EFNB2: variants seen among roughly 807,000 people sequenced by gnomAD.
The protein encoded by EFNB2 is ephrin B2.
A neutral mutation model predicts 32.1 loss-of-function variants in EFNB2; 5 were observed. The ratio of observed to expected loss-of-function variants is 0.16; its 90% confidence interval spans 0.08 to 0.33. The LOEUF (loss-of-function observed/expected upper bound fraction) is 0.33, where lower values mean the gene tolerates loss of function less well. Among genes scored for constraint, EFNB2 ranks in the 10% least tolerant of loss-of-function variants. EFNB2 has a pLI of 1.00. For missense variants in EFNB2, 263 were observed against 422.6 expected (o/e 0.62, Z 3.31); for synonymous variants, 168 against 166.5 (o/e 1.01, Z -0.07).
intron 2 of EFNB2, among the ~76,000 whole-genome samples, chr13:106,499,147 T>A (rs1287873345): frequency 6.6e-6 from 1 of 152,154 alleles, no homozygotes; most frequent in Admixed American, 6.6e-5. Flanking sequence ...GTCTATTTTA[T>A]ACTTGATGTA....
intron 1 of EFNB2, among the ~76,000 whole-genome samples, chr13:106,522,593 A>G (rs190193714): frequency 1.4e-3 from 212 of 152,356 alleles, no homozygotes; most frequent in Middle Eastern, 3.4e-3. Context: ...ATTCAGCTAC[A>G]GTGACAAGCA....
At chr13:106,500,361 C>CA (rs928870671) in intron 2 of EFNB2, among the ~76,000 whole-genome samples, 2 of 151,962 alleles carry the variant, frequency 1.3e-5, no homozygotes, top group East Asian at 1.9e-4. Flanking sequence ...CGGGGAAGCA[C>CA]AAAAAAATCC....
intron 1 of EFNB2, among the ~76,000 whole-genome samples, chr13:106,524,439 T>C (rs908860216): frequency 3.9e-5 from 6 of 152,194 alleles, no homozygotes; most frequent in African/African-American, 1.4e-4. Flanking sequence ...AATTAACCAA[T>C]TTGGCCACAG....
At chr13:106,529,637 A>T (rs1879810812) in intron 1 of EFNB2, among the ~76,000 whole-genome samples, 1 of 152,148 alleles carries the variant, frequency 6.6e-6, no homozygotes, top group Non-Finnish European at 1.5e-5. Flanking sequence ...CTTTTCAGAG[A>T]CGTGTCATTT....
Position 106,535,115 on chromosome 13 carries a change from G to A in EFNB2, c.-151C>T. On this transcript the variant is annotated 5_prime_UTR_variant, in exon 1 of 5. Coordinates refer to ENST00000646441, the MANE Select transcript of EFNB2 (RefSeq NM_004093.4). ...GGCGCGCTGCGCAGCTCCAGCGGTC[G>A]CCGGGCCAGGTGCGCTCGCTCTCCG... 1 of 1,027,368 alleles carries A rather than the reference G, an allele frequency of 9.7e-7. No homozygotes were observed. The highest frequency in any genetic ancestry group is 1.3e-6 in the Non-Finnish European group (1 of 773,512). 63.6% of individuals were successfully genotyped at this position (1,027,368 alleles called of 1,614,324 possible).
chr13:106,521,220 T>C (rs1024444837), intron 1 of EFNB2: 30 of 116,570 alleles, frequency 2.6e-4, no homozygotes, highest in Non-Finnish European at 4.2e-4. Flanking sequence ...GAGCAAAGAC[T>C]AGATGGGTGG....
chr13:106,503,277 C>CA (rs936768062), intron 2 of EFNB2, among the ~76,000 whole-genome samples: 9 of 150,128 alleles, frequency 6.0e-5, no homozygotes, highest in South Asian at 2.1e-4. Context: ...AAAAACAAAA[C>CA]AAAAAAAAAG....
intron 1 of EFNB2, among the ~76,000 whole-genome samples, chr13:106,515,889 C>T (rs1879296010): frequency 1.3e-5 from 2 of 152,142 alleles, no homozygotes; most frequent in Admixed American, 6.5e-5. Flanking sequence ...CTCAAGTAAC[C>T]TATGTTGTGC....
At chr13:106,495,060 ATAT>A in intron 3 of EFNB2, 66 bp from the exon 4 acceptor site, 1 of 1,275,520 alleles carries the variant, frequency 7.8e-7, no homozygotes, top group South Asian at 1.2e-5. Flanking sequence ...TAGGAGCTGC[ATAT>A]ATATTTCAAC....
intron 4 of EFNB2, among the ~76,000 whole-genome samples, chr13:106,494,227 A>G (rs1369387308): frequency 1.3e-5 from 2 of 152,210 alleles, no homozygotes; most frequent in Admixed American, 1.3e-4. Context: ...CAATCCTAAT[A>G]CAAAACTGCT....
At chr13:106,526,342 G>T (rs1342279832) in intron 1 of EFNB2, among the ~76,000 whole-genome samples, 1 of 152,242 alleles carries the variant, frequency 6.6e-6, no homozygotes, top group African/African-American at 2.4e-5. Flanking sequence ...CTGATGAAAT[G>T]AAGAAGGTGT....
At chr13:106,508,330 T>C (rs1385866797) in intron 2 of EFNB2, among the ~76,000 whole-genome samples, 1 of 152,068 alleles carries the variant, frequency 6.6e-6, no homozygotes, top group Non-Finnish European at 1.5e-5. Context: ...TCAGAACAGT[T>C]ATTTCATGAA....
chr13:106,521,894 G>T (rs80249765), intron 1 of EFNB2, among the ~76,000 whole-genome samples: 2 of 151,400 alleles, frequency 1.3e-5, no homozygotes, highest in Admixed American at 6.6e-5. Flanking sequence ...CATCTACTTT[G>T]GTATTAATCA....
At chr13:106,496,664 A>G (rs1271139548) in intron 2 of EFNB2, among the ~76,000 whole-genome samples, 2 of 151,868 alleles carry the variant, frequency 1.3e-5, no homozygotes, top group African/African-American at 4.8e-5. Flanking sequence ...GAGGAGTGGA[A>G]GGAAGGACAG....
chr13:106,525,600 T>C (rs1879673420), intron 1 of EFNB2, among the ~76,000 whole-genome samples: 1 of 152,218 alleles, frequency 6.6e-6, no homozygotes, highest in Non-Finnish European at 1.5e-5. Context: ...CTGTCTACTG[T>C]GACTTTGCTT....
At position 106,532,076 on chromosome 13, in the gene EFNB2, AACC is replaced by A. The variant is rs1348039754; in HGVS notation, c.122+2764_122+2766del. Among the ~76,000 whole-genome samples the A allele has an allele frequency of 7.7e-3, 300 of 38,986 alleles. 2 individuals are homozygous for A. The highest frequency in any genetic ancestry group is 0.02 in the African/African-American group (270 of 13,262). The allele number at this position is 38,986 out of a possible 152,430, so 25.6% of individuals were successfully genotyped here. ...TGAATTAAAAAAAAAACAAAAAAAA[AACC>A]AAAACTTTAAACAACCAAAATGGCT... On this transcript the variant is annotated intron_variant, in intron 1 of 4. Transcript: ENST00000646441.
At chr13:106,517,918 C>T (rs966073696) in intron 1 of EFNB2, 1 of 152,224 alleles carries the variant, frequency 6.6e-6, no homozygotes. Context: ...GACTCTAATA[C>T]TTCTACATGG....
At chr13:106,506,841 C>A (rs1192250632) in intron 2 of EFNB2, 1 of 152,160 alleles carries the variant, frequency 6.6e-6, no homozygotes, top group Non-Finnish European at 1.5e-5. Flanking sequence ...GTCATTATCC[C>A]CACTTTACAG....
At chr13:106,497,714 C>T (rs983371053) in intron 2 of EFNB2, among the ~76,000 whole-genome samples, 1 of 151,954 alleles carries the variant, frequency 6.6e-6, no homozygotes, top group Non-Finnish European at 1.5e-5. Flanking sequence ...CGACAGGCCC[C>T]GGTGTGTGAT....
Sources: allele counts gnomAD v4.1 joint callset (sites outside exome capture counted in the v4.1 genomes callset), GRCh38; gene constraint gnomAD v4.1.1; transcripts MANE v1.5; gene names NCBI Gene and HGNC (gene_info 2026-07-23, HGNC 2026-07-21).